Variants in KSR2 observed in about 807,000 individuals in gnomAD.
The protein encoded by KSR2 is kinase suppressor of ras 2.
Under a neutral mutation model 107.8 loss-of-function variants are expected in KSR2, and 25 were observed. That is an observed-to-expected ratio of 0.23 (90% confidence interval 0.17 to 0.32). The LOEUF is 0.32. Among genes scored for constraint, KSR2 ranks in the 10% least tolerant of loss-of-function variants. The probability of loss-of-function intolerance (pLI) is 1.00; values close to 1 mark genes in which losing one functional copy is unlikely to be tolerated. For missense variants in KSR2, 887 were observed against 1,268.9 expected (o/e 0.70, Z 4.57); for synonymous variants, 480 against 507.0 (o/e 0.95, Z 0.71).
chr12:117,799,077 A>G (rs1700907080), intron 3 of KSR2, among the ~76,000 whole-genome samples: 1 of 152,186 alleles, frequency 6.6e-6, no homozygotes, highest in Non-Finnish European at 1.5e-5. Flanking sequence ...AAAGAGAAGA[A>G]CAGGTATTAA....
intron 1 of KSR2, among the ~76,000 whole-genome samples, chr12:117,923,100 C>A (rs1210295842): frequency 2.6e-5 from 4 of 152,094 alleles, no homozygotes; most frequent in African/African-American, 7.2e-5. Context: ...TTCCTAAGCT[C>A]AAAAAGGCTG....
At chr12:117,921,033 G>A (rs1895328130) in intron 1 of KSR2, among the ~76,000 whole-genome samples, 1 of 152,138 alleles carries the variant, frequency 6.6e-6, no homozygotes, top group Non-Finnish European at 1.5e-5. Flanking sequence ...TAAGGGTCTG[G>A]TTCAGAGACC....
intron 9 of KSR2, among the ~76,000 whole-genome samples, chr12:117,554,551 G>C (rs1378604739): frequency 1.3e-5 from 2 of 152,186 alleles, no homozygotes; most frequent in East Asian, 3.9e-4. Flanking sequence ...TGTCATGGGA[G>C]GGGCCCAGTG....
At chr12:117,919,876 T>C (rs1895288703) in intron 1 of KSR2, among the ~76,000 whole-genome samples, 2 of 152,224 alleles carry the variant, frequency 1.3e-5, no homozygotes, top group East Asian at 1.9e-4. Flanking sequence ...AATAAACTTT[T>C]GTTATGTTAA....
chr12:117,647,385 G>C (rs1188226865), intron 5 of KSR2, among the ~76,000 whole-genome samples: 10 of 152,116 alleles, frequency 6.6e-5, no homozygotes. Flanking sequence ...GAAAAGCAGG[G>C]TCTCAGATCC....
chr12:117,596,052 T>TCCCCTC (rs1880623379), intron 5 of KSR2, among the ~76,000 whole-genome samples: 1 of 147,670 alleles, frequency 6.8e-6, no homozygotes, highest in Non-Finnish European at 1.5e-5. Context: ...CTTTTTCCCT[T>TCCCCTC]CCCTCCCCTC....
At chr12:117,643,290 T>C (rs956385220) in intron 5 of KSR2, among the ~76,000 whole-genome samples, 1 of 152,008 alleles carries the variant, frequency 6.6e-6, no homozygotes, top group Non-Finnish European at 1.5e-5. Flanking sequence ...GAAATATTAA[T>C]ACAAAAATTA....
chr12:117,524,996 C>T lies in KSR2; in HGVS notation c.2075G>A (p.Arg692Gln). Residue 692 changes from arginine (R) to glutamine (Q), a missense_variant, in exon 14 of 20, where the codon CGG becomes CAG. Transcript: ENST00000339824. The stretch of plus-strand genomic sequence containing the variant: ...GTTGTCCCTCTCAATGTCAATCAGC[C>T]GGATGGCCACCTCGCCATGCCAGCG... ...HGRWHGEVAI[R>Q]LIDIERDNED... The T allele has an allele frequency of 4.3e-6, 7 of 1,613,854 alleles. No homozygotes were observed. The highest frequency in any genetic ancestry group is 5.1e-6 in the Non-Finnish European group (6 of 1,179,866).
chr12:117,782,581 A>G (rs1053900937), intron 3 of KSR2, among the ~76,000 whole-genome samples: 1 of 152,184 alleles, frequency 6.6e-6, no homozygotes, highest in African/African-American at 2.4e-5. Context: ...AAATATTTTT[A>G]AAGTATCTAC....
At chr12:117,956,797 T>G (rs1355819166) in intron 1 of KSR2, among the ~76,000 whole-genome samples, 1 of 152,136 alleles carries the variant, frequency 6.6e-6, no homozygotes, top group Non-Finnish European at 1.5e-5. Context: ...TAAAAAAAGT[T>G]TGGAATCTGG....
chr12:117,946,508 C>G (rs1455307614), intron 1 of KSR2, among the ~76,000 whole-genome samples: 1 of 152,026 alleles, frequency 6.6e-6, no homozygotes, highest in Non-Finnish European at 1.5e-5. Flanking sequence ...CCTTAAAAGC[C>G]ACAAACTACC....
intron 4 of KSR2, among the ~76,000 whole-genome samples, chr12:117,690,565 A>C (rs1295779202): frequency 6.6e-6 from 1 of 151,552 alleles, no homozygotes; most frequent in Non-Finnish European, 1.5e-5. Context: ...ACTCTGTCTC[A>C]AAAAAAAAGA....
chr12:117,785,276 A>T (rs937201074), intron 3 of KSR2, among the ~76,000 whole-genome samples: 1 of 151,950 alleles, frequency 6.6e-6, no homozygotes, highest in African/African-American at 2.4e-5. Flanking sequence ...TTAGCTGGGC[A>T]TGGTGGCGGG....
At chr12:117,575,004 A>T (rs1190892234) in intron 7 of KSR2, among the ~76,000 whole-genome samples, 1 of 152,148 alleles carries the variant, frequency 6.6e-6, no homozygotes, top group Non-Finnish European at 1.5e-5. Context: ...CTACTTTTGC[A>T]AAGTTCTCAC....
At chr12:117,724,023 C>T (rs756845420) in intron 4 of KSR2, among the ~76,000 whole-genome samples, 3 of 151,970 alleles carry the variant, frequency 2.0e-5, no homozygotes, top group Admixed American at 6.6e-5. Context: ...ATATATCTTT[C>T]GGGCTGGGCG....
intron 4 of KSR2, among the ~76,000 whole-genome samples, chr12:117,756,343 A>G (rs1164439202): frequency 3.3e-5 from 5 of 152,238 alleles, no homozygotes; most frequent in Non-Finnish European, 7.3e-5. Context: ...GTGACTTTTA[A>G]GCTGAAGCCA....
At chr12:117,957,106 A>C (rs1345084283) in intron 1 of KSR2, among the ~76,000 whole-genome samples, 3 of 152,232 alleles carry the variant, frequency 2.0e-5, no homozygotes, top group Non-Finnish European at 4.4e-5. Context: ...CATCATTACC[A>C]TTAACGTCTA....
rs78997232 is a variant in KSR2, at chr12:117,539,699, C to G, written c.1687+20G>C. On this transcript the variant is annotated intron_variant, in intron 10 of 19. Transcript: ENST00000339824. ...CCCTCCAACGCTGCACCCCTCATGT[C>G]TCCCCAAGCATGGAGGTACCTGGCA... is the stretch of plus-strand genomic sequence containing the variant. 932 of 1,591,390 alleles carry G rather than the reference C, an allele frequency of 5.9e-4. 10 individuals are homozygous for G. In the East Asian group the frequency reaches 0.019, roughly 32 times the overall value.
At chr12:117,714,198 C>T (rs1028031838) in intron 4 of KSR2, among the ~76,000 whole-genome samples, 4 of 152,196 alleles carry the variant, frequency 2.6e-5, no homozygotes, top group South Asian at 2.1e-4. Context: ...CTTTTTGGAG[C>T]GGCAGGTGGA....
Sources: allele counts gnomAD v4.1 joint callset (sites outside exome capture counted in the v4.1 genomes callset), GRCh38; gene constraint gnomAD v4.1.1; transcripts MANE v1.5; gene names NCBI Gene and HGNC (gene_info 2026-07-23, HGNC 2026-07-21).